Variants in NFATC1 observed in about 807,000 individuals in gnomAD.
NFATC1 encodes nuclear factor of activated T-cells, cytoplasmic 1.
Under a neutral mutation model 76.0 loss-of-function variants are expected in NFATC1, and 22 were observed. That is an observed-to-expected ratio of 0.29 (90% confidence interval 0.21 to 0.41). The LOEUF is 0.41. NFATC1 is among the 10% of genes least tolerant of loss of function. The probability of loss-of-function intolerance (pLI) is 1.00; values close to 1 mark genes in which losing one functional copy is unlikely to be tolerated. For missense variants in NFATC1, 1,357 were observed against 1,337.7 expected, an observed-to-expected ratio of 1.01 and a Z score of -0.23; for synonymous variants, 704 against 613.1, an observed-to-expected ratio of 1.15 and a Z score of -2.19.
chr18:79,406,381 C>T (rs1229976137), intron 1 of NFATC1, among the ~76,000 whole-genome samples: 1 of 152,056 alleles, frequency 6.6e-6, no homozygotes. Flanking sequence ...CGGTTGAAGG[C>T]CACGGATGCC....
At chr18:79,447,593 C>T (rs1261820368) in intron 3 of NFATC1, among the ~76,000 whole-genome samples, 4 of 152,184 alleles carry the variant, frequency 2.6e-5, no homozygotes, top group Non-Finnish European at 4.4e-5. Flanking sequence ...CTGAGGCTGG[C>T]GCTCATCGGG....
At chr18:79,443,540 G>A (rs752301597) in intron 3 of NFATC1, among the ~76,000 whole-genome samples, 32 of 152,276 alleles carry the variant, frequency 2.1e-4, no homozygotes, top group Non-Finnish European at 4.0e-4. Flanking sequence ...TTTCCCAGTC[G>A]GCGCCCGTGC....
At position 79,429,676 on chromosome 18, in the gene NFATC1, A is replaced by T. The variant is rs76958732; in HGVS notation, c.1227-3903A>T. On this transcript the variant is annotated intron_variant, in intron 2 of 9. Coordinates refer to ENST00000427363, the MANE Select transcript of NFATC1 (RefSeq NM_001278669.2). ...CGCTCATTTGGGCTCTTTTGTCTGAACCAGAGACACAGATTTGTAGAGCTG... is the reference window on the plus strand; with the variant it reads ...CGCTCATTTGGGCTCTTTTGTCTGATCCAGAGACACAGATTTGTAGAGCTG... Among the ~76,000 whole-genome samples the T allele has an allele frequency of 3.3e-3, 510 of 152,304 alleles. 1 individual carries two copies. Among genetic ancestry groups the T allele is most frequent in the Non-Finnish European group, 5.6e-3 (380 of 68,034 alleles).
chr18:79,433,913 GCTC>G (rs1449729053), intron 3 of NFATC1, among the ~76,000 whole-genome samples, 175 bp downstream of exon 3: 2 of 152,394 alleles, frequency 1.3e-5, no homozygotes, highest in East Asian at 3.8e-4. Context: ...GCATGCCACA[GCTC>G]CTCCTGCTTC....
intron 9 of NFATC1, among the ~76,000 whole-genome samples, chr18:79,513,305 C>G (rs574379823): frequency 6.6e-6 from 1 of 152,308 alleles, no homozygotes; most frequent in South Asian, 2.1e-4. Flanking sequence ...CAGAGGGCAC[C>G]TTGGCCTCCG....
chr18:79,453,082 G>A (rs2087541003), intron 6 of NFATC1, among the ~76,000 whole-genome samples: 1 of 152,182 alleles, frequency 6.6e-6, no homozygotes, highest in Non-Finnish European at 1.5e-5. Flanking sequence ...GCAGTGACCG[G>A]GAAGGCATTT....
intron 6 of NFATC1, among the ~76,000 whole-genome samples, chr18:79,458,369 C>T (rs9956793): frequency 0.055 from 8,257 of 151,350 alleles, 721 homozygotes; most frequent in African/African-American, 0.19. Context: ...GAGCAGGGCT[C>T]GAGGGCACCG....
chr18:79,490,646 G>GT (rs1270067183), intron 9 of NFATC1, among the ~76,000 whole-genome samples: 4 of 152,204 alleles, frequency 2.6e-5, no homozygotes, highest in Admixed American at 2.6e-4. Flanking sequence ...CCGAGTGGAT[G>GT]GAGCCTTCAC....
chr18:79,447,679 TG>T (rs1306053163), intron 3 of NFATC1, among the ~76,000 whole-genome samples: 30 of 152,236 alleles, frequency 2.0e-4, no homozygotes, highest in Non-Finnish European at 3.4e-4. Flanking sequence ...GCAAAGGGTT[TG>T]ACTCCTGCGG....
chr18:79,527,550 C>T lies in NFATC1; in HGVS notation c.2805C>T (p.Asp935=). ...LDDVNEIIRN[D]LSSTSTHS is the part of the protein sequence containing the mutation. ...CAGTAAATGAAATAATACGAAATGA[C>T]CTCTCCAGCACGAGCACCCACTCCT... The change falls in exon 10 of 10, where the codon GAC becomes GAT. Residue 935 remains aspartate (D), a synonymous_variant. Coordinates refer to ENST00000427363, the MANE Select transcript of NFATC1 (RefSeq NM_001278669.2). The T allele has an allele frequency of 1.9e-6, 3 of 1,613,982 alleles. No homozygotes were observed. The highest frequency in any genetic ancestry group is 1.1e-5 in the South Asian group (1 of 91,078).
rs550952406 is a variant in NFATC1, at chr18:79,442,310, C to T, written c.1387-6472C>T. 4.1e-4 allele frequency among the ~76,000 whole-genome samples: 63 copies of T among 152,342 alleles called. 1 individual carries two copies. In the South Asian group the frequency reaches 0.013, roughly 31 times the overall value. ...GGCCTTTCTCCTCCCCACCTCTGTC[C>T]ACCCTCGCCGAGGCGTCGGTCCTGC... On this transcript the variant is annotated intron_variant, in intron 3 of 9. Coordinates refer to ENST00000427363, the MANE Select transcript of NFATC1 (RefSeq NM_001278669.2).
intron 3 of NFATC1, among the ~76,000 whole-genome samples, chr18:79,443,539 C>A (rs1262088147): frequency 6.6e-6 from 1 of 152,174 alleles, no homozygotes; most frequent in South Asian, 2.1e-4. Context: ...GTTTCCCAGT[C>A]GGCGCCCGTG....
At chr18:79,437,589 C>G (rs116835351) in intron 3 of NFATC1, among the ~76,000 whole-genome samples, 1 of 152,234 alleles carries the variant, frequency 6.6e-6, no homozygotes, top group African/African-American at 2.4e-5. Context: ...GAAAGTGATG[C>G]GTGGCGGATG....
intron 9 of NFATC1, chr18:79,498,426 C>G (rs2089946411): frequency 2.7e-5 from 4 of 148,328 alleles, no homozygotes; most frequent in Admixed American, 2.7e-4. Flanking sequence ...AGAGGCTGAA[C>G]AACAGATTTG....
chr18:79,509,330 G>A (rs1222949883), intron 9 of NFATC1, among the ~76,000 whole-genome samples: 2 of 152,190 alleles, frequency 1.3e-5, no homozygotes, highest in Non-Finnish European at 2.9e-5. Flanking sequence ...GGAACTCACC[G>A]CCACCCACCC....
chr18:79,439,658 T>C (rs375675359), intron 3 of NFATC1, among the ~76,000 whole-genome samples: 1 of 152,206 alleles, frequency 6.6e-6, no homozygotes, highest in Non-Finnish European at 1.5e-5. Context: ...AGAGCACACA[T>C]GGTTGCCGTC....
intron 1 of NFATC1, among the ~76,000 whole-genome samples, chr18:79,401,820 C>A (rs559722946): frequency 5.1e-4 from 77 of 152,342 alleles, no homozygotes; most frequent in Non-Finnish European, 8.2e-4. Flanking sequence ...TCGTTCACAG[C>A]GTGAATCACT....
At chr18:79,404,224 G>T (rs114888869) in intron 1 of NFATC1, among the ~76,000 whole-genome samples, 1 of 152,238 alleles carries the variant, frequency 6.6e-6, no homozygotes, top group East Asian at 1.9e-4. Context: ...CGGGCTGGAC[G>T]AAGGACCCTT....
intron 9 of NFATC1, among the ~76,000 whole-genome samples, chr18:79,491,584 G>T (rs935779308): frequency 6.6e-6 from 1 of 152,234 alleles, no homozygotes; most frequent in Admixed American, 6.5e-5. Context: ...GCCCCGTGAG[G>T]TGCCTGTGGC....
Sources: gnomAD v4.1 joint callset for allele counts (sites outside exome capture counted in the v4.1 genomes callset) on GRCh38, gnomAD v4.1.1 for gene constraint, MANE v1.5 for transcripts, NCBI Gene and HGNC (gene_info 2026-07-23, HGNC 2026-07-21) for gene names.